Variants in SULF1 observed in about 807,000 individuals in gnomAD.
SULF1 encodes sulfatase 1, also known as extracellular sulfatase Sulf-1.
A neutral mutation model predicts 110.5 loss-of-function variants in SULF1; 46 were observed. The observed-to-expected ratio is 0.42, with a 90% CI of 0.33 to 0.53. The LOEUF is 0.53. Among genes scored for constraint, SULF1 ranks in the 20% least tolerant of loss-of-function variants. The pLI is 0.12. For synonymous variants in SULF1, 371 were observed against 387.1 expected, an observed-to-expected ratio of 0.96 and a Z score of 0.49; for missense variants, 941 against 1,094.2, an observed-to-expected ratio of 0.86 and a Z score of 1.98.
At chr8:69,550,184 A>C (rs1814592868) in intron 3 of SULF1, among the ~76,000 whole-genome samples, 1 of 151,774 alleles carries the variant, frequency 6.6e-6, no homozygotes, top group Admixed American at 6.6e-5. Context: ...CTTATGAAGG[A>C]AGACTTTGGT....
intron 3 of SULF1, among the ~76,000 whole-genome samples, chr8:69,561,791 A>AT (rs1563532267): frequency 6.6e-6 from 1 of 152,116 alleles, no homozygotes; most frequent in African/African-American, 2.4e-5. Flanking sequence ...GTATTTAACT[A>AT]TTTAGCCTGA....
At chr8:69,603,703 C>A (rs371713347) in intron 12 of SULF1, 47 bp downstream of exon 12, 3 of 1,264,954 alleles carry the variant, frequency 2.4e-6, no homozygotes, top group South Asian at 2.4e-5. Flanking sequence ...TCCTAGTGGG[C>A]AGCTTTCCCT....
intron 19 of SULF1, among the ~76,000 whole-genome samples, chr8:69,630,309 T>A (rs1810418849): frequency 6.6e-6 from 1 of 152,224 alleles, no homozygotes; most frequent in Non-Finnish European, 1.5e-5. Flanking sequence ...CATATAGAAG[T>A]AATACCCCAC....
At chr8:69,521,302 C>T (rs898392848) in intron 3 of SULF1, among the ~76,000 whole-genome samples, 5 of 152,108 alleles carry the variant, frequency 3.3e-5, no homozygotes, top group African/African-American at 9.7e-5. Flanking sequence ...TTAGAGATCC[C>T]AACTTTTGTA....
At chr8:69,570,291 T>C (rs966860840) in intron 5 of SULF1, among the ~76,000 whole-genome samples, 1 of 152,228 alleles carries the variant, frequency 6.6e-6, no homozygotes, top group African/African-American at 2.4e-5. Flanking sequence ...TAAGTGATAA[T>C]GACAATATTT....
chr8:69,498,405 T>C (rs567281427), intron 2 of SULF1, among the ~76,000 whole-genome samples: 2 of 152,242 alleles, frequency 1.3e-5, no homozygotes, highest in East Asian at 3.9e-4. Flanking sequence ...GATCCATCGG[T>C]GACTCAGATC....
chr8:69,499,491 T>A lies in SULF1; in HGVS notation c.-228-2383T>A, dbSNP rs374830053. Among the ~76,000 whole-genome samples, 6 of 152,346 alleles carry A rather than the reference T, an allele frequency of 3.9e-5. No individual in the cohort carries two copies. The East Asian group carries it at 9.6e-4, about 24-fold the overall frequency. ...AGAATTACACCTGTTTATAAGGAACTGTTACAAGATGGCACCTATAGAGAA... is the reference window on the plus strand; with the variant it reads ...AGAATTACACCTGTTTATAAGGAACAGTTACAAGATGGCACCTATAGAGAA... On this transcript the variant is annotated intron_variant, in intron 2 of 22. Transcript: ENST00000402687.
At chr8:69,517,209 G>C (rs1811985851) in intron 3 of SULF1, among the ~76,000 whole-genome samples, 1 of 152,106 alleles carries the variant, frequency 6.6e-6, no homozygotes, top group Non-Finnish European at 1.5e-5. Flanking sequence ...AAAACTTCTT[G>C]CTTTAATAGG....
intron 7 of SULF1, among the ~76,000 whole-genome samples, chr8:69,587,582 T>C (rs1806564943): frequency 6.6e-6 from 1 of 152,232 alleles, no homozygotes. Flanking sequence ...TGTCCTCATT[T>C]GCAAAGATGA....
At chr8:69,514,993 A>G (rs1264540657) in intron 3 of SULF1, among the ~76,000 whole-genome samples, 1 of 152,082 alleles carries the variant, frequency 6.6e-6, no homozygotes, top group Non-Finnish European at 1.5e-5. Flanking sequence ...ACAGGCTAGC[A>G]TTGAGTGCCT....
chr8:69,499,416 A>G (rs115636733), intron 2 of SULF1, among the ~76,000 whole-genome samples: 204 of 152,358 alleles, frequency 1.3e-3, no homozygotes, highest in African/African-American at 4.7e-3. Flanking sequence ...AGTATTCATT[A>G]ATGAAATTGG....
At chr8:69,479,709 ATC>A (rs1386447154) in intron 1 of SULF1, among the ~76,000 whole-genome samples, 1 of 152,184 alleles carries the variant, frequency 6.6e-6, no homozygotes, top group African/African-American at 2.4e-5. Context: ...TCTAAGCAGA[ATC>A]TCTCAGTTTA....
chr8:69,492,809 G>A (rs1296593795), upstream of SULF1: 1 of 152,232 alleles, frequency 6.6e-6, no homozygotes, highest in African/African-American at 2.4e-5. Context: ...ATAATAATAC[G>A]CGGGCTTATA....
intron 3 of SULF1, among the ~76,000 whole-genome samples, chr8:69,509,683 A>G (rs1468630015): frequency 6.6e-6 from 1 of 152,176 alleles, no homozygotes; most frequent in African/African-American, 2.4e-5. Flanking sequence ...AAAAAATGAC[A>G]TCCCTCTGCT....
chr8:69,557,352 T>C (rs1317208678), intron 3 of SULF1, among the ~76,000 whole-genome samples: 5 of 152,224 alleles, frequency 3.3e-5, no homozygotes, highest in Non-Finnish European at 1.5e-5. Context: ...TCTAGATCAC[T>C]TTGTTTTCCT....
intron 3 of SULF1, among the ~76,000 whole-genome samples, chr8:69,516,533 A>G: frequency 6.6e-6 from 1 of 152,364 alleles, no homozygotes; most frequent in East Asian, 1.9e-4. Flanking sequence ...GGGTGGGGTC[A>G]AAGAGTCAAA....
intron 6 of SULF1, among the ~76,000 whole-genome samples, chr8:69,576,678 G>T (rs1030739903): frequency 6.6e-6 from 1 of 152,142 alleles, no homozygotes; most frequent in East Asian, 1.9e-4. Flanking sequence ...CAGTCTTTCT[G>T]AGAAAAAAGC....
intron 1 of SULF1, among the ~76,000 whole-genome samples, chr8:69,470,866 G>A (rs1043782364): frequency 6.6e-6 from 1 of 152,090 alleles, no homozygotes; most frequent in African/African-American, 2.4e-5. Context: ...CAGCTAAAGT[G>A]GGCAGCACAG....
At chr8:69,516,764 G>A (rs7844731) in intron 3 of SULF1, among the ~76,000 whole-genome samples, 83,282 of 151,938 alleles carry the variant, frequency 0.55, 23,222 homozygotes, top group South Asian at 0.65. Context: ...GCAATGTTAA[G>A]GATGATAATT....
Sources: allele counts gnomAD v4.1 joint callset (sites outside exome capture counted in the v4.1 genomes callset), GRCh38; gene constraint gnomAD v4.1.1; transcripts MANE v1.5; gene names NCBI Gene and HGNC (gene_info 2026-07-23, HGNC 2026-07-21).